The following CREB5 variants were observed in gnomAD, a reference collection of about 807,000 sequenced individuals.
The protein encoded by CREB5 is cAMP responsive element binding protein 5, also known as cyclic AMP-responsive element-binding protein 5.
In CREB5, 19 loss-of-function variants were observed where a neutral mutation model predicts 57.1. That is an observed-to-expected ratio of 0.33 (90% CI 0.23 to 0.49). CREB5 has a LOEUF of 0.49. CREB5 is among the 20% of genes least tolerant of loss of function. The pLI is 0.99. For synonymous variants in CREB5, 238 were observed against 238.3 expected (o/e 1.00, Z 0.01); for missense variants, 579 against 671.6 (o/e 0.86, Z 1.52).
At chr7:28,807,530 A>G (rs1808815253) in intron 8 of CREB5, among the ~76,000 whole-genome samples, 1 of 152,210 alleles carries the variant, frequency 6.6e-6, no homozygotes, top group Admixed American at 6.5e-5. Context: ...ATTCTTTTAC[A>G]GTTAGTCATA....
intron 5 of CREB5, among the ~76,000 whole-genome samples, chr7:28,646,563 A>C (rs1798896847): frequency 6.6e-6 from 1 of 152,178 alleles, no homozygotes; most frequent in Non-Finnish European, 1.5e-5. Context: ...TTGGATCAGG[A>C]TTATTTCATG....
intron 7 of CREB5, among the ~76,000 whole-genome samples, chr7:28,731,912 G>A (rs969912685): frequency 3.9e-5 from 6 of 152,164 alleles, no homozygotes; most frequent in African/African-American, 7.2e-5. Context: ...GCCAGCGTAC[G>A]AATACATGCT....
chr7:28,397,303 A>G (rs1229490322), intron 1 of CREB5, among the ~76,000 whole-genome samples: 1 of 152,204 alleles, frequency 6.6e-6, no homozygotes, highest in Admixed American at 6.5e-5. Context: ...CCCCTTGACA[A>G]TGAAATGAGT....
At position 28,804,404 on chromosome 7, in the gene CREB5, C is replaced by T; in HGVS notation, c.908C>T (p.Pro303Leu). 2 of 1,614,028 alleles carry T rather than the reference C, an allele frequency of 1.2e-6. No homozygotes were observed. Among genetic ancestry groups the T allele is most frequent in the East Asian group, 2.2e-5 (1 of 44,876 alleles). Residue 303 changes from proline (P) to leucine (L), a missense_variant, in exon 8 of 11, where the codon CCT becomes CTT. By Grantham distance (98) the Pro-to-Leu change is moderately conservative. This residue lies in a region of CREB5 where 459 missense variants were observed against 515.7 expected (regional missense o/e 0.89). Coordinates refer to ENST00000357727, the MANE Select transcript of CREB5 (RefSeq NM_182898.4). ...QHQHPAHHPH[P>L]QPHHQQNHPH... ...CAGCACCCAGCACACCATCCTCACC[C>T]TCAACCCCATCACCAGCAGAACCAT...
At chr7:28,685,064 T>G (rs558308024) in intron 5 of CREB5, among the ~76,000 whole-genome samples, 1 of 152,272 alleles carries the variant, frequency 6.6e-6, no homozygotes, top group African/African-American at 2.4e-5. Context: ...TTCCTCACTC[T>G]GTAATTAAAA....
At chr7:28,736,186 T>C (rs1803969253) in intron 7 of CREB5, among the ~76,000 whole-genome samples, 1 of 152,130 alleles carries the variant, frequency 6.6e-6, no homozygotes, top group South Asian at 2.1e-4. Context: ...TGTTTTGTTT[T>C]GAGACAGAGT....
intron 4 of CREB5, among the ~76,000 whole-genome samples, chr7:28,540,766 G>C (rs558153538): frequency 4.3e-4 from 66 of 152,328 alleles, no homozygotes; most frequent in African/African-American, 1.5e-3. Flanking sequence ...GGAAAGTAAG[G>C]TGTGATTGTA....
intron 4 of CREB5, among the ~76,000 whole-genome samples, chr7:28,568,093 T>G (rs747892719): frequency 2.0e-5 from 3 of 152,114 alleles, no homozygotes; most frequent in Admixed American, 6.5e-5. Flanking sequence ...CAGTTGGTTA[T>G]AGGTTGGTGG....
At chr7:28,497,022 A>G (rs976267054) in intron 3 of CREB5, among the ~76,000 whole-genome samples, 2 of 152,216 alleles carry the variant, frequency 1.3e-5, no homozygotes, top group African/African-American at 4.8e-5. Context: ...AAGGCTGTAG[A>G]TTCTGCAATT....
intron 1 of CREB5, among the ~76,000 whole-genome samples, chr7:28,464,710 T>TA (rs397743366): frequency 0.02 from 2,974 of 146,292 alleles, 77 homozygotes; most frequent in African/African-American, 0.059. Context: ...AAGTTATTTT[T>TA]AAAAAAAAAA....
upstream of CREB5, among the ~76,000 whole-genome samples, chr7:28,408,517 C>T (rs971950801): frequency 6.6e-6 from 1 of 152,172 alleles, no homozygotes; most frequent in Non-Finnish European, 1.5e-5. Context: ...CTCTGCCGCT[C>T]CCCAGCCCGT....
At chr7:28,359,429 A>C (rs1448095344) in intron 1 of CREB5, among the ~76,000 whole-genome samples, 1 of 152,204 alleles carries the variant, frequency 6.6e-6, no homozygotes, top group Non-Finnish European at 1.5e-5. Flanking sequence ...ATTTACGGCC[A>C]ATTGATTTTT....
chr7:28,811,642 A>AT (rs1304816816), intron 9 of CREB5, among the ~76,000 whole-genome samples: 1 of 152,148 alleles, frequency 6.6e-6, no homozygotes, highest in African/African-American at 2.4e-5. Context: ...AAGTGTTGGG[A>AT]TTATAGGTGT....
At position 28,677,503 on chromosome 7, in the gene CREB5, G is replaced by A. The variant is rs571339858; in HGVS notation, c.465-41250G>A. On this transcript the variant is annotated intron_variant, in intron 5 of 10. Coordinates refer to ENST00000357727, the MANE Select transcript of CREB5 (RefSeq NM_182898.4). ...TCAAGGGATTGAGATTCATGTCTTC[G>A]TGCCTGCTTTTCTTTACCTGTAAAA... 1.4e-3 allele frequency among the ~76,000 whole-genome samples: 220 copies of A among 152,216 alleles called. 1 individual carries two copies. The highest frequency in any genetic ancestry group is 5.1e-3 in the African/African-American group (211 of 41,536).
At chr7:28,617,261 T>C (rs2128682274) in intron 5 of CREB5, among the ~76,000 whole-genome samples, 1 of 152,342 alleles carries the variant, frequency 6.6e-6, no homozygotes, top group South Asian at 2.1e-4. Flanking sequence ...TCTGAAATTG[T>C]AGAAACGAAA....
chr7:28,445,358 T>C (rs556674212), intron 1 of CREB5, among the ~76,000 whole-genome samples: 2 of 152,190 alleles, frequency 1.3e-5, no homozygotes, highest in African/African-American at 4.8e-5. Flanking sequence ...GCCATCTATC[T>C]TACAAAAGGA....
At chr7:28,342,496 CAATT>C (rs1393939073) in intron 1 of CREB5, among the ~76,000 whole-genome samples, 4 of 152,210 alleles carry the variant, frequency 2.6e-5, no homozygotes, top group Non-Finnish European at 5.9e-5. Context: ...TCAAACAACT[CAATT>C]AACAAATGCT....
At position 28,735,714 on chromosome 7, in the gene CREB5, T is replaced by C. The variant is rs569671017; in HGVS notation, c.702+11382T>C. ...ATATAGTTGCTAGAAAATATCTACTTATCAAATGAATTAATATGAATAATT... is the reference window on the plus strand; with the variant it reads ...ATATAGTTGCTAGAAAATATCTACTCATCAAATGAATTAATATGAATAATT... On this transcript the variant is annotated intron_variant, in intron 7 of 10. Transcript: ENST00000357727. Among the ~76,000 whole-genome samples, 4 of 152,266 alleles carry C rather than the reference T, an allele frequency of 2.6e-5. No individual in the cohort carries two copies. In the East Asian group the frequency reaches 7.7e-4, roughly 29 times the overall value.
intron 1 of CREB5, among the ~76,000 whole-genome samples, chr7:28,383,466 CAGCA>C: frequency 6.6e-6 from 1 of 152,152 alleles, no homozygotes; most frequent in Non-Finnish European, 1.5e-5. Flanking sequence ...AGCATGGCAC[CAGCA>C]TCTACTCAGC....
Sources: allele counts gnomAD v4.1 joint callset (sites outside exome capture counted in the v4.1 genomes callset), GRCh38; gene constraint gnomAD v4.1.1; regional missense constraint gnomAD v4.1.1; transcripts MANE v1.5; gene names NCBI Gene and HGNC (gene_info 2026-07-23, HGNC 2026-07-21).